The following DUX4 variants were observed in gnomAD, a reference collection of about 807,000 sequenced individuals.
DUX4 encodes double homeobox 4, also known as double homeobox protein 4.
chr4:190,177,294 A>T (rs1742358008), downstream of DUX4, among the ~76,000 whole-genome samples: 21 of 84,314 alleles, frequency 2.5e-4, 1 homozygote, highest in Admixed American at 7.6e-4. Flanking sequence ...GAGTTACATC[A>T]CCTGGGTGAT....
Position 190,175,297 on chromosome 4 carries a change from C to G in DUX4, c.*236+13C>G. The stretch of plus-strand genomic sequence containing the variant: ...CAGGTACCAGCAGGTGGGCCGCCTA[C>G]TGCGCACGCGCGGGTTTGCGGGCAG... On this transcript the variant is annotated intron_variant, in intron 1 of 1. Transcript: ENST00000565211. The G allele has an allele frequency of 2.4e-5, 3 of 125,088 alleles. No individual in the cohort carries two copies. The highest frequency in any genetic ancestry group is 4.8e-4 in the South Asian group (2 of 4,134). The allele number at this position is 125,088 out of a possible 1,614,324, so 7.7% of individuals were successfully genotyped here. A position where few individuals can be genotyped will look rare whatever the true frequency, so the allele number is the denominator to read the frequency against.
At chr4:190,180,127 C>T (rs1387233657), downstream of DUX4, among the ~76,000 whole-genome samples, 30 of 18,242 alleles carry the variant, frequency 1.6e-3, no homozygotes, top group Non-Finnish European at 3.0e-3. Context: ...ACAATGCCGC[C>T]AGTAGGCAGA....
chr4:190,179,327 G>A (rs1742487448), downstream of DUX4, among the ~76,000 whole-genome samples: 1 of 151,968 alleles, frequency 6.6e-6, no homozygotes, highest in Non-Finnish European at 1.5e-5. Flanking sequence ...GCAGAGCCTA[G>A]ACAAGAGTTA....
chr4:190,179,932 G>T (rs1579836220), downstream of DUX4, among the ~76,000 whole-genome samples: 1 of 152,274 alleles, frequency 6.6e-6, no homozygotes. Flanking sequence ...CCTTTAAGCA[G>T]AGCCTAGACA....
downstream of DUX4, among the ~76,000 whole-genome samples, chr4:190,177,085 A>G (rs1742340901): frequency 3.0e-4 from 45 of 152,112 alleles, no homozygotes; most frequent in Middle Eastern, 3.4e-3. Context: ...GAAGAGTCCC[A>G]TCACCTGGGT....
At chr4:190,181,598 CTGGGTGAT>C (rs1742585039) in intron 1 of DUX4, among the ~76,000 whole-genome samples, 1 of 100,368 alleles carries the variant, frequency 1.0e-5, no homozygotes, top group Non-Finnish European at 2.1e-5. Context: ...GTTACATCAC[CTGGGTGAT>C]CAGTGCAGAG....
downstream of DUX4, among the ~76,000 whole-genome samples, chr4:190,177,096 G>A (rs1742341364): frequency 0.026 from 3,009 of 116,582 alleles, no homozygotes; most frequent in East Asian, 0.052. Flanking sequence ...TCACCTGGGT[G>A]ATCAGTGCAG....
downstream of DUX4, among the ~76,000 whole-genome samples, chr4:190,177,448 A>ACACTTCCCCTGT (rs1742368031): frequency 4.1e-5 from 6 of 147,098 alleles, no homozygotes; most frequent in Non-Finnish European, 7.6e-5. Context: ...GATCAGTGCA[A>ACACTTCCCCTGT]AGATATGTCA....
At chr4:190,178,455 T>TC (rs1742426784), downstream of DUX4, among the ~76,000 whole-genome samples, 2 of 67,058 alleles carry the variant, frequency 3.0e-5, no homozygotes, top group African/African-American at 5.0e-5. Flanking sequence ...AAGAGTTACA[T>TC]CACCTAGTTG....
At chr4:190,179,807 GTA>G (rs1742514680), downstream of DUX4, among the ~76,000 whole-genome samples, 1 of 12,284 alleles carries the variant, frequency 8.1e-5, no homozygotes, top group Non-Finnish European at 1.8e-4. Context: ...GCCTACACAA[GTA>G]TTACATCACT....
intron 1 of DUX4, among the ~76,000 whole-genome samples, chr4:190,181,556 C>T (rs1579837735): frequency 3.8e-4 from 47 of 124,702 alleles, no homozygotes; most frequent in East Asian, 1.0e-3. Flanking sequence ...AGCGATATGT[C>T]ACTATGCCCC....
downstream of DUX4, among the ~76,000 whole-genome samples, chr4:190,178,960 C>T (rs1742466824): frequency 1.4e-5 from 2 of 147,420 alleles, no homozygotes; most frequent in Non-Finnish European, 1.5e-5. Flanking sequence ...AGAAATACGT[C>T]ACAATGCCCC....
downstream of DUX4, among the ~76,000 whole-genome samples, chr4:190,178,566 G>GA (rs1742433641): frequency 8.2e-6 from 1 of 122,494 alleles, no homozygotes; most frequent in Non-Finnish European, 1.8e-5. Context: ...AACGCCCCCT[G>GA]TAGGCAGAGG....
In DUX4 at chr4:190,175,704, G is replaced by T. The variant is rs1412444825; in HGVS notation, c.*294G>T. The T allele has an allele frequency of 6.0e-5, 10 of 166,910 alleles. 2 individuals carry two copies. Among genetic ancestry groups the T allele is most frequent in the African/African-American group, 5.2e-5 (2 of 38,596 alleles). The allele number at this position is 166,910 out of a possible 1,614,324, so 10.3% of individuals were successfully genotyped here. ...CAAGGGAGCTCGCTGGCCTCTCTGT[G>T]CCCTTGTTCTTCCGTGAAATTCTGG... On this transcript the variant is annotated 3_prime_UTR_variant, in exon 2 of 2. Transcript: ENST00000565211.
At chr4:190,183,317 G>C (rs1289190486) in intron 1 of DUX4, 4 of 108,980 alleles carry the variant, frequency 3.7e-5, no homozygotes, top group African/African-American at 1.1e-4. Flanking sequence ...GTGTGTTCCT[G>C]CTAAATCATG....
chr4:190,176,567 C>T (rs1382421779), downstream of DUX4, among the ~76,000 whole-genome samples: 1 of 110,904 alleles, frequency 9.0e-6, no homozygotes, highest in East Asian at 3.2e-4. Flanking sequence ...AATTATTAGT[C>T]ATAAAGCCTC....
At chr4:190,179,561 T>G (rs1742503561), downstream of DUX4, among the ~76,000 whole-genome samples, 3 of 152,202 alleles carry the variant, frequency 2.0e-5, no homozygotes, top group African/African-American at 4.8e-5. Context: ...GGGTGATCAG[T>G]GCAGTGATAT....
intron 1 of DUX4, among the ~76,000 whole-genome samples, chr4:190,183,057 T>A (rs1194382000): frequency 2.6e-5 from 1 of 38,116 alleles, no homozygotes; most frequent in African/African-American, 4.7e-5. Flanking sequence ...GGGTTAGGGC[T>A]GGGTTAGGTT....
At chr4:190,180,012 GAGT>G (rs1742525610), downstream of DUX4, among the ~76,000 whole-genome samples, 2 of 145,460 alleles carry the variant, frequency 1.4e-5, no homozygotes, top group Non-Finnish European at 1.5e-5. Flanking sequence ...GCTTAAACTA[GAGT>G]TACATCACCT....
Sources: allele counts gnomAD v4.1 joint callset (sites outside exome capture counted in the v4.1 genomes callset), GRCh38; gene constraint gnomAD v4.1.1; transcripts MANE v1.5; gene names NCBI Gene and HGNC (gene_info 2026-07-23, HGNC 2026-07-21).